TMEM182: variants seen among roughly 807,000 people sequenced by gnomAD.
TMEM182 encodes transmembrane protein 182.
TMEM182 carries 20 observed loss-of-function variants against 26.8 expected under a neutral mutation model. That is an observed-to-expected ratio of 0.75 (90% confidence interval 0.53 to 1.09). The LOEUF is 1.09. Among genes scored for constraint, TMEM182 ranks in the 50% least tolerant of loss-of-function variants. The pLI, the probability that TMEM182 is intolerant of heterozygous loss-of-function variation, is 0.00. For synonymous variants in TMEM182, 109 were observed against 102.2 expected (o/e 1.07, Z -0.40); for missense variants, 277 against 275.5 (o/e 1.01, Z -0.04).
downstream of TMEM182, among the ~76,000 whole-genome samples, chr2:102,819,229 T>G (rs548789496): frequency 4.6e-5 from 7 of 152,232 alleles, no homozygotes; most frequent in South Asian, 1.5e-3. Flanking sequence ...TTACACAGAG[T>G]ATTGATGTTA....
chr2:102,755,547 G>T (rs542710415), intron 1 of TMEM182, among the ~76,000 whole-genome samples: 2 of 152,310 alleles, frequency 1.3e-5, no homozygotes, highest in South Asian at 4.1e-4. Context: ...CCCAGGCACA[G>T]CATGGTATGT....
intron 1 of TMEM182, among the ~76,000 whole-genome samples, chr2:102,746,648 C>A (rs1679707581): frequency 6.6e-6 from 1 of 152,074 alleles, no homozygotes; most frequent in African/African-American, 2.4e-5. Context: ...GGCTGGAGTG[C>A]AATGGCGCGA....
intron 4 of TMEM182, among the ~76,000 whole-genome samples, chr2:102,802,788 T>C (rs11895089): frequency 1.3e-5 from 2 of 152,222 alleles, no homozygotes; most frequent in Non-Finnish European, 2.9e-5. Flanking sequence ...TGAGTAAGGA[T>C]GTGGCCTGGA....
upstream of TMEM182, among the ~76,000 whole-genome samples, chr2:102,759,679 T>A (rs1267530383): frequency 4.6e-5 from 7 of 152,234 alleles, no homozygotes; most frequent in Non-Finnish European, 1.0e-4. Context: ...ACAGATTTGC[T>A]ATCCCACAGT....
At chr2:102,781,896 A>C (rs963369511) in intron 3 of TMEM182, among the ~76,000 whole-genome samples, 2 of 152,138 alleles carry the variant, frequency 1.3e-5, no homozygotes, top group African/African-American at 4.8e-5. Flanking sequence ...TGGGATGAGG[A>C]ATTTGATCCA....
At chr2:102,738,765 T>C (rs889393111) in intron 1 of TMEM182, among the ~76,000 whole-genome samples, 161 of 152,280 alleles carry the variant, frequency 1.1e-3, no homozygotes, top group African/African-American at 3.8e-3. Flanking sequence ...CGATGTAATA[T>C]GTTAGCTTGT....
intron 3 of TMEM182, among the ~76,000 whole-genome samples, chr2:102,840,800 T>A (rs1287231262): frequency 6.6e-6 from 1 of 152,224 alleles, no homozygotes; most frequent in Non-Finnish European, 1.5e-5. Context: ...ATTTTCTAGA[T>A]CTGCCACTGC....
upstream of TMEM182, chr2:102,762,014 G>C: frequency 2.1e-6 from 1 of 465,936 alleles, no homozygotes; most frequent in South Asian, 2.3e-5. Context: ...TCCTCCAGGG[G>C]CGAGCAAAGG....
At chr2:102,820,094 A>G (rs139261283), downstream of TMEM182, among the ~76,000 whole-genome samples, 7 of 152,210 alleles carry the variant, frequency 4.6e-5, no homozygotes, top group Non-Finnish European at 1.0e-4. Context: ...TATTCTTTCA[A>G]TCCCCTTGCA....
At chr2:102,753,948 T>C (rs1204333879) in intron 1 of TMEM182, among the ~76,000 whole-genome samples, 1 of 152,166 alleles carries the variant, frequency 6.6e-6, no homozygotes, top group Non-Finnish European at 1.5e-5. Flanking sequence ...GAATAATCCC[T>C]GAAAATGCTT....
At chr2:102,829,225 A>C (rs1683102815) in intron 3 of TMEM182, among the ~76,000 whole-genome samples, 1 of 152,186 alleles carries the variant, frequency 6.6e-6, no homozygotes, top group Non-Finnish European at 1.5e-5. Flanking sequence ...ACGTGGGCAG[A>C]AGGCTTAGGG....
chr2:102,750,037 G>GTT (rs200041021), intron 1 of TMEM182, among the ~76,000 whole-genome samples: 1 of 150,276 alleles, frequency 6.7e-6, no homozygotes, highest in Admixed American at 6.6e-5. Flanking sequence ...ATAAATAAAT[G>GTT]TTTTTTTTTA....
At chr2:102,841,556 A>G (rs1247491897) in intron 3 of TMEM182, among the ~76,000 whole-genome samples, 2 of 152,220 alleles carry the variant, frequency 1.3e-5, no homozygotes, top group Non-Finnish European at 2.9e-5. Context: ...GACACGCAGC[A>G]GCTTTAAAAA....
At chr2:102,825,209 A>G (rs1683010683) in intron 3 of TMEM182, among the ~76,000 whole-genome samples, 1 of 152,262 alleles carries the variant, frequency 6.6e-6, no homozygotes, top group Admixed American at 6.5e-5. Context: ...AAGATGTTAA[A>G]GAAATATTTT....
intron 1 of TMEM182, among the ~76,000 whole-genome samples, chr2:102,746,809 G>C (rs1053710595): frequency 6.6e-6 from 1 of 152,026 alleles, no homozygotes; most frequent in Non-Finnish European, 1.5e-5. Flanking sequence ...GGCTGGTCTC[G>C]AACTCCTGAA....
intron 1 of TMEM182, among the ~76,000 whole-genome samples, chr2:102,756,927 C>G (rs563489486): frequency 3.7e-4 from 56 of 152,186 alleles, no homozygotes; most frequent in African/African-American, 1.2e-3. Flanking sequence ...AATTCTCTGC[C>G]TCAGCCTCCC....
chr2:102,832,780 C>T (rs1428545253), intron 3 of TMEM182, among the ~76,000 whole-genome samples: 1 of 152,206 alleles, frequency 6.6e-6, no homozygotes, highest in Non-Finnish European at 1.5e-5. Context: ...TCCCCCACCA[C>T]ACACACACTC....
chr2:102,739,516 T>G (rs1679487096), intron 1 of TMEM182, among the ~76,000 whole-genome samples: 2 of 152,206 alleles, frequency 1.3e-5, no homozygotes, highest in Admixed American at 1.3e-4. Context: ...CCCCATCCTC[T>G]TGGTGCTGTT....
chr2:102,798,902 G>T (rs1010791311), intron 4 of TMEM182, among the ~76,000 whole-genome samples: 4 of 151,970 alleles, frequency 2.6e-5, no homozygotes, highest in African/African-American at 4.8e-5. Flanking sequence ...TATTTTCTGT[G>T]TGAAGCTTGC....
Sources: allele counts gnomAD v4.1 joint callset (sites outside exome capture counted in the v4.1 genomes callset), GRCh38; gene constraint gnomAD v4.1.1; transcripts MANE v1.5; gene names NCBI Gene and HGNC (gene_info 2026-07-23, HGNC 2026-07-21).